The following ALCAM variants were observed in gnomAD, a reference collection of about 807,000 sequenced individuals.
The protein encoded by ALCAM is CD166 antigen.
A neutral mutation model predicts 70.9 loss-of-function variants in ALCAM; 30 were observed. The observed-to-expected ratio is 0.42, with a 90% CI of 0.32 to 0.57. ALCAM has a LOEUF of 0.57. ALCAM is among the 20% of genes least tolerant of loss of function. The pLI is 0.11. For missense variants in ALCAM, 591 were observed against 695.1 expected, an observed-to-expected ratio of 0.85 and a Z score of 1.68; for synonymous variants, 249 against 242.5, an observed-to-expected ratio of 1.03 and a Z score of -0.25.
At chr3:105,496,369 G>T (rs1462776109) in intron 1 of ALCAM, among the ~76,000 whole-genome samples, 1 of 152,074 alleles carries the variant, frequency 6.6e-6, no homozygotes, top group Non-Finnish European at 1.5e-5. Context: ...AGTCAACTCT[G>T]TTACAAGAAG....
chr3:105,378,255 C>A (rs1935426882), intron 1 of ALCAM, among the ~76,000 whole-genome samples: 2 of 151,586 alleles, frequency 1.3e-5, no homozygotes, highest in Admixed American at 6.6e-5. Context: ...AAATTATATG[C>A]CGAAAGTAAT....
At chr3:105,391,755 A>G (rs992020884) in intron 1 of ALCAM, among the ~76,000 whole-genome samples, 1 of 151,872 alleles carries the variant, frequency 6.6e-6, no homozygotes, top group Admixed American at 6.6e-5. Flanking sequence ...ATTTTGAAGT[A>G]TGTTCCTTCA....
intron 1 of ALCAM, among the ~76,000 whole-genome samples, chr3:105,434,160 T>A (rs546671464): frequency 6.6e-6 from 1 of 152,290 alleles, no homozygotes; most frequent in African/African-American, 2.4e-5. Flanking sequence ...CCTTTTAAAT[T>A]ATTTGGTATT....
At chr3:105,405,242 A>T (rs1180341714) in intron 1 of ALCAM, among the ~76,000 whole-genome samples, 5 of 127,362 alleles carry the variant, frequency 3.9e-5, no homozygotes, top group Admixed American at 3.1e-4. Flanking sequence ...ATACTATTGC[A>T]CTCCAGCCTG....
At chr3:105,523,579 G>A (rs1939610665) in intron 2 of ALCAM, among the ~76,000 whole-genome samples, 1 of 152,230 alleles carries the variant, frequency 6.6e-6, no homozygotes, top group African/African-American at 2.4e-5. Flanking sequence ...TGTGGGACCA[G>A]AGGAAGAAAT....
chr3:105,457,261 T>A (rs959022555), intron 1 of ALCAM, among the ~76,000 whole-genome samples: 1 of 152,216 alleles, frequency 6.6e-6, no homozygotes, highest in Non-Finnish European at 1.5e-5. Flanking sequence ...TGGTATTCCA[T>A]GGTGTATATG....
intron 1 of ALCAM, among the ~76,000 whole-genome samples, chr3:105,414,568 C>T (rs1199565410): frequency 6.6e-6 from 1 of 152,064 alleles, no homozygotes; most frequent in Admixed American, 6.6e-5. Flanking sequence ...AGTTTAAACG[C>T]TCTCTAGAAA....
chr3:105,514,595 A>G (rs1408185640), intron 1 of ALCAM, among the ~76,000 whole-genome samples: 1 of 152,018 alleles, frequency 6.6e-6, no homozygotes, highest in Non-Finnish European at 1.5e-5. Flanking sequence ...AAAGATAAAT[A>G]TTTAGAGCAT....
intron 1 of ALCAM, among the ~76,000 whole-genome samples, chr3:105,450,976 G>A (rs1024342802): frequency 1.3e-5 from 2 of 152,048 alleles, no homozygotes; most frequent in African/African-American, 4.8e-5. Context: ...AATTAGGATG[G>A]GGAAGAGAAA....
intron 1 of ALCAM, among the ~76,000 whole-genome samples, chr3:105,450,285 T>C (rs904943704): frequency 6.6e-6 from 1 of 152,208 alleles, no homozygotes; most frequent in Non-Finnish European, 1.5e-5. Context: ...TTTCTCTTAC[T>C]ATTGTCTGAT....
intron 1 of ALCAM, among the ~76,000 whole-genome samples, chr3:105,394,250 A>G (rs996927710): frequency 6.6e-6 from 1 of 151,972 alleles, no homozygotes; most frequent in African/African-American, 2.4e-5. Context: ...TTACTTTGCT[A>G]TGTGTTTCCC....
chr3:105,400,174 C>A (rs567894114), intron 1 of ALCAM, among the ~76,000 whole-genome samples: 18 of 152,146 alleles, frequency 1.2e-4, no homozygotes, highest in Admixed American at 1.0e-3. Context: ...ATGAGAAAAG[C>A]AGATAGCCCT....
intron 1 of ALCAM, among the ~76,000 whole-genome samples, chr3:105,399,844 T>C (rs971840978): frequency 6.6e-6 from 1 of 152,154 alleles, no homozygotes; most frequent in African/African-American, 2.4e-5. Context: ...CAGTCACCAT[T>C]GGCCTTAGAA....
At chr3:105,436,366 G>A (rs774533724) in intron 1 of ALCAM, among the ~76,000 whole-genome samples, 15 of 151,910 alleles carry the variant, frequency 9.9e-5, no homozygotes, top group African/African-American at 2.7e-4. Context: ...TTTTTGAGAC[G>A]GAGTCTCACT....
Position 105,524,469 on chromosome 3 carries a change from G to A in ALCAM, c.355G>A (p.Asp119Asn), listed in dbSNP as rs1939643583. ...ATTTGTGTGCATGCTAGTAACTGAGGACAACGTGTTTGAGGCACCTACAAT... is the reference window on the plus strand; with the variant it reads ...ATTTGTGTGCATGCTAGTAACTGAGAACAACGTGTTTGAGGCACCTACAAT... The part of the protein sequence containing the change: ...KRFVCMLVTE[D>N]NVFEAPTIVK... The change falls in exon 3 of 16, where the codon GAC becomes AAC. Residue 119 changes from aspartate to asparagine, a missense_variant. Asp to Asn is a conservative substitution (Grantham distance 23). Transcript: ENST00000306107. The A allele has an allele frequency of 6.2e-7, 1 of 1,614,094 alleles. No homozygotes were observed. The highest frequency in any genetic ancestry group is 1.6e-4 in the Middle Eastern group (1 of 6,062).
At chr3:105,505,903 T>C (rs1939061131) in intron 1 of ALCAM, among the ~76,000 whole-genome samples, 1 of 152,206 alleles carries the variant, frequency 6.6e-6, no homozygotes, top group Non-Finnish European at 1.5e-5. Context: ...ATAAATATTC[T>C]CATAGCTACA....
At chr3:105,405,138 G>C (rs558239101) in intron 1 of ALCAM, among the ~76,000 whole-genome samples, 1 of 151,858 alleles carries the variant, frequency 6.6e-6, no homozygotes, top group Non-Finnish European at 1.5e-5. Flanking sequence ...TTAGCTGGGC[G>C]TGGTGGCACA....
intron 1 of ALCAM, among the ~76,000 whole-genome samples, chr3:105,472,504 T>A (rs1326766863): frequency 6.6e-6 from 1 of 151,554 alleles, no homozygotes; most frequent in Non-Finnish European, 1.5e-5. Context: ...GCTAGCACCC[T>A]CTTAATTGTT....
intron 8 of ALCAM, among the ~76,000 whole-genome samples, chr3:105,543,925 T>A (rs1419645630): frequency 6.6e-6 from 1 of 151,628 alleles, no homozygotes; most frequent in East Asian, 1.9e-4. Flanking sequence ...AATAGTAATG[T>A]TTGAGAGTCT....
Sources: allele counts gnomAD v4.1 joint callset (sites outside exome capture counted in the v4.1 genomes callset), GRCh38; gene constraint gnomAD v4.1.1; transcripts MANE v1.5; gene names NCBI Gene and HGNC (gene_info 2026-07-23, HGNC 2026-07-21).